The following SLC28A2 variants were observed in gnomAD, a reference collection of about 807,000 sequenced individuals.
SLC28A2 encodes the protein solute carrier family 28 member 2.
A neutral mutation model predicts 72.9 loss-of-function variants in SLC28A2; 69 were observed. The ratio of observed to expected loss-of-function variants is 0.95; its 90% CI spans 0.78 to 1.16. The LOEUF (loss-of-function observed/expected upper bound fraction) is 1.16. SLC28A2 is among the 50% of genes most tolerant of loss of function. The pLI, the probability that SLC28A2 is intolerant of heterozygous loss-of-function variation, is 0.00. For synonymous variants in SLC28A2, 296 were observed against 294.1 expected (o/e 1.01, Z -0.07); for missense variants, 745 against 791.1 (o/e 0.94, Z 0.70).
chr15:45,253,280 C>T lies in SLC28A2; in HGVS notation c.65C>T (p.Pro22Leu), dbSNP rs11854484. The change falls in exon 2 of 18, where the codon CCG (proline) becomes CTG (leucine). Residue 22 changes from proline to leucine, a missense_variant. Physicochemically the swap from Pro to Leu is moderately conservative, Grantham distance 98. Coordinates refer to ENST00000347644, the MANE Select transcript of SLC28A2 (RefSeq NM_004212.4). The stretch of plus-strand genomic sequence containing the variant: ...ACAGTGGAGACTGGCACAGTGAACC[C>T]GGGGCTGGAGCTCATGGTAATCACC... ...LSTVETGTVN[P>L]GLELMEKEVE... The T allele has an allele frequency of 0.57, 917,262 of 1,610,236 alleles. 279,892 individuals are homozygous for T. The highest frequency in any genetic ancestry group is 0.64 in the Non-Finnish European group (750,615 of 1,176,818).
At chr15:45,260,674 G>T (rs1351847151) in intron 3 of SLC28A2, among the ~76,000 whole-genome samples, 1 of 152,076 alleles carries the variant, frequency 6.6e-6, no homozygotes, top group African/African-American at 2.4e-5. Flanking sequence ...AGGCAGGAGG[G>T]TCACTTGAGC....
intron 10 of SLC28A2, 56 bp from the exon 11 acceptor site, chr15:45,267,399 A>G: frequency 6.2e-7 from 1 of 1,605,536 alleles, no homozygotes; most frequent in Non-Finnish European, 8.5e-7. Flanking sequence ...GGGTGGGCAC[A>G]CTGGCATGGG....
chr15:45,258,762 T>C (rs1202109190), intron 3 of SLC28A2, among the ~76,000 whole-genome samples: 2 of 152,356 alleles, frequency 1.3e-5, no homozygotes, highest in South Asian at 2.1e-4. Flanking sequence ...GTCTGAATTT[T>C]AGTAGTTTCT....
In SLC28A2 at chr15:45,266,313, G is replaced by A. The variant is rs1900335303; in HGVS notation, c.942+152G>A. 1.1e-5 allele frequency: 7 copies of A among 647,816 alleles called. No homozygotes were observed. In the Middle Eastern group the frequency reaches 1.5e-3, roughly 139 times the overall value. 40.1% of individuals were successfully genotyped at this position (647,816 alleles called of 1,614,324 possible). Reference sequence around the variant, plus strand: ...AGAGATAACTCAGCAGCTCAAAGAAGACTCTGCTCATTGCGTTCACCCTTT... The same window carrying A: ...AGAGATAACTCAGCAGCTCAAAGAAAACTCTGCTCATTGCGTTCACCCTTT... On this transcript the variant is annotated intron_variant, in intron 10 of 17. Transcript: ENST00000347644.
chr15:45,253,611 A>G, intron 3 of SLC28A2, 91 bp downstream of exon 3: 1 of 706,712 alleles, frequency 1.4e-6, no homozygotes. Context: ...CAACCGCTCC[A>G]CCTTACCATG....
At chr15:45,268,123 C>T (rs1900404655) in intron 12 of SLC28A2, 87 bp from the exon 13 acceptor site, 2 of 1,341,160 alleles carry the variant, frequency 1.5e-6, no homozygotes, top group Admixed American at 4.2e-5. Context: ...CCTCCTCCTG[C>T]ACGATAGGGA....
intron 15 of SLC28A2, 32 bp downstream of exon 15, chr15:45,270,308 A>G (rs1482887823): frequency 1.4e-6 from 2 of 1,465,168 alleles, no homozygotes; most frequent in African/African-American, 2.8e-5. Flanking sequence ...GCTCCCCAGT[A>G]AGACAGCCAG....
At position 45,275,605 on chromosome 15, in the gene SLC28A2, A is replaced by T; in HGVS notation, c.*92A>T. On this transcript the variant is annotated 3_prime_UTR_variant, in exon 18 of 18. Coordinates refer to ENST00000347644, the MANE Select transcript of SLC28A2 (RefSeq NM_004212.4). ...TACTCAGGGTGCCCACAACTCACTC[A>T]CCAAGATGTTTAACAGTAAGTAACA... 1.3e-6 allele frequency: 1 copy of T among 764,964 alleles called. No individual in the cohort carries two copies. The highest frequency in any genetic ancestry group is 1.6e-5 in the South Asian group (1 of 63,418). 47.4% of individuals were successfully genotyped at this position (764,964 alleles called of 1,614,324 possible). A position where few individuals can be genotyped will look rare whatever the true frequency, so the allele number is the denominator to read the frequency against.
At position 45,270,059 on chromosome 15, in the gene SLC28A2, C is replaced by T. The variant is rs1900498468; in HGVS notation, c.1567-136C>T. On this transcript the variant is annotated intron_variant, in intron 14 of 17. Coordinates refer to ENST00000347644, the MANE Select transcript of SLC28A2 (RefSeq NM_004212.4). ...TAGTAACTCAGGGAACAGTTGTTTTCTGAGCATCCTTTCATGTTCCTTGGG... is the reference window on the plus strand; with the variant it reads ...TAGTAACTCAGGGAACAGTTGTTTTTTGAGCATCCTTTCATGTTCCTTGGG... 10 of 650,554 alleles carry T rather than the reference C, an allele frequency of 1.5e-5. No homozygotes were observed. The South Asian group carries it at 1.6e-4, about 11-fold the overall frequency. The allele number at this position is 650,554 out of a possible 1,614,324, so 40.3% of individuals were successfully genotyped here.
At position 45,275,666 on chromosome 15, in the gene SLC28A2, TG is replaced by T; in HGVS notation, c.*155del. ...AAGATTCATTTTGGGCCGGGCTCAGTGGCTCATGCCTGTAATCCCAGCACTT... is the reference window on the plus strand; with the variant it reads ...AAGATTCATTTTGGGCCGGGCTCAGTGCTCATGCCTGTAATCCCAGCACTT... On this transcript the variant is annotated 3_prime_UTR_variant, in exon 18 of 18. Transcript: ENST00000347644. The T allele has an allele frequency of 1.5e-6, 1 of 645,818 alleles. No homozygotes were observed. Among genetic ancestry groups the T allele is most frequent in the Non-Finnish European group, 2.7e-6 (1 of 365,102 alleles). 40.0% of individuals were successfully genotyped at this position (645,818 alleles called of 1,614,324 possible). A position where few individuals can be genotyped will look rare whatever the true frequency, so the allele number is the denominator to read the frequency against.
chr15:45,271,049 TAGAC>T (rs1555431917), intron 15 of SLC28A2, among the ~76,000 whole-genome samples: 2 of 152,214 alleles, frequency 1.3e-5, no homozygotes, highest in Admixed American at 6.5e-5. Flanking sequence ...ATAAGGCAGA[TAGAC>T]AGTAAGAGAG....
intron 3 of SLC28A2, chr15:45,255,205 A>C (rs1240704189): frequency 6.6e-5 from 10 of 151,816 alleles, no homozygotes. Context: ...GCAGTGAGCC[A>C]TGATCGTGCC....
At position 45,264,085 on chromosome 15, in the gene SLC28A2, A is replaced by G. The variant is rs1299505134; in HGVS notation, c.588+63A>G. The G allele has an allele frequency of 2.7e-6, 4 of 1,461,412 alleles. No individual in the cohort carries two copies. In the African/African-American group the frequency reaches 4.2e-5, roughly 15 times the overall value. The allele number at this position is 1,461,412 out of a possible 1,614,324, so 90.5% of individuals were successfully genotyped here. ...TGGCCAAGGGCCAAGTGCTAATCAT[A>G]AAGCGTATGCATCAAGTGTTAATTA... On this transcript the variant is annotated intron_variant, in intron 6 of 17. Transcript: ENST00000347644.
intron 16 of SLC28A2, 50 bp downstream of exon 16, chr15:45,272,443 G>A: frequency 7.1e-7 from 1 of 1,403,808 alleles, no homozygotes; most frequent in Non-Finnish European, 1.0e-6. Flanking sequence ...GGTGATGGTT[G>A]GAGGAATAAT....
chr15:45,260,424 T>A (rs1461408679), intron 3 of SLC28A2, among the ~76,000 whole-genome samples: 1 of 152,188 alleles, frequency 6.6e-6, no homozygotes, highest in Non-Finnish European at 1.5e-5. Flanking sequence ...GAAATTAAAT[T>A]CATTCCTTGA....
At chr15:45,263,492 C>G (rs1900227959) in intron 5 of SLC28A2, among the ~76,000 whole-genome samples, 2 of 152,170 alleles carry the variant, frequency 1.3e-5, no homozygotes, top group Admixed American at 1.3e-4. Flanking sequence ...TGATTGTCAT[C>G]AGAGCCAGTG....
chr15:45,268,120 C>T (rs1468930089), intron 12 of SLC28A2, 90 bp from the exon 13 acceptor site: 5 of 1,326,406 alleles, frequency 3.8e-6, no homozygotes, highest in Admixed American at 4.2e-5. Context: ...CACCCTCCTC[C>T]TGCACGATAG....
chr15:45,272,004 C>T (rs1290143249), intron 15 of SLC28A2: 1 of 319,104 alleles, frequency 3.1e-6, no homozygotes, highest in Non-Finnish European at 5.8e-6. Flanking sequence ...CTGGAGAAAC[C>T]CAGAGCCTTG....
chr15:45,272,630 C>A (rs369133261), intron 16 of SLC28A2, 43 bp from the exon 17 acceptor site: 8 of 1,108,784 alleles, frequency 7.2e-6, no homozygotes, highest in Non-Finnish European at 1.1e-5. Context: ...TTGAGAAGCA[C>A]GTGTCAGATC....
Sources: gnomAD v4.1 joint callset for allele counts (sites outside exome capture counted in the v4.1 genomes callset) on GRCh38, gnomAD v4.1.1 for gene constraint, MANE v1.5 for transcripts, NCBI Gene and HGNC (gene_info 2026-07-23, HGNC 2026-07-21) for gene names.